KLHL7: variants seen among roughly 807,000 people sequenced by gnomAD.
The protein encoded by KLHL7 is kelch-like protein 7.
KLHL7 carries 44 observed loss-of-function variants against 67.4 expected under a neutral mutation model. The observed-to-expected ratio is 0.65, with a 90% CI of 0.51 to 0.84. The LOEUF (loss-of-function observed/expected upper bound fraction) is 0.84. KLHL7 is among the 40% of genes least tolerant of loss of function. KLHL7 has a pLI of 0.00. For synonymous variants in KLHL7, 252 were observed against 243.3 expected, an observed-to-expected ratio of 1.04 and a Z score of -0.33; for missense variants, 362 against 718.1, an observed-to-expected ratio of 0.50 and a Z score of 5.67.
At chr7:23,162,349 A>T (rs1217665084) in intron 7 of KLHL7, among the ~76,000 whole-genome samples, 3 of 152,222 alleles carry the variant, frequency 2.0e-5, no homozygotes, top group Non-Finnish European at 4.4e-5. Flanking sequence ...TGATGTTTTA[A>T]AATATCTCAG....
chr7:23,131,973 A>G (rs1433554756), intron 4 of KLHL7, among the ~76,000 whole-genome samples: 1 of 152,114 alleles, frequency 6.6e-6, no homozygotes, highest in Non-Finnish European at 1.5e-5. Context: ...GCTGTTGCAA[A>G]TGACTAGATC....
intron 7 of KLHL7, among the ~76,000 whole-genome samples, chr7:23,162,510 A>G (rs1784880016): frequency 1.3e-5 from 2 of 152,198 alleles, no homozygotes. Flanking sequence ...ATTTTGTTGT[A>G]CAGATAAACT....
At chr7:23,153,476 G>T (rs1480150405) in intron 7 of KLHL7, among the ~76,000 whole-genome samples, 1 of 152,186 alleles carries the variant, frequency 6.6e-6, no homozygotes. Context: ...TACATTGTTG[G>T]TTGAAGGCAT....
rs1318381403 is a variant in KLHL7, at chr7:23,175,247, T to C, written c.*949T>C. 4.4e-6 allele frequency: 2 copies of C among 453,940 alleles called. No individual in the cohort carries two copies. The highest frequency in any genetic ancestry group is 1.6e-5 in the South Asian group (1 of 64,450). 28.1% of individuals were successfully genotyped at this position (453,940 alleles called of 1,614,324 possible). A position where few individuals can be genotyped will look rare whatever the true frequency, so the allele number is the denominator to read the frequency against. On this transcript the variant is annotated 3_prime_UTR_variant, in exon 11 of 11. Transcript: ENST00000339077. ...AAAAGTTTTGTAATCATGAGTTAGA[T>C]ATATGTCATCTCCTATTCATTGCTT...
At chr7:23,161,381 A>G (rs529763486) in intron 7 of KLHL7, among the ~76,000 whole-genome samples, 1 of 152,158 alleles carries the variant, frequency 6.6e-6, no homozygotes, top group Non-Finnish European at 1.5e-5. Context: ...GATACACCAT[A>G]ATTTAATACC....
At chr7:23,125,714 A>G (rs1158321731) in intron 4 of KLHL7, 9 of 1,453,526 alleles carry the variant, frequency 6.2e-6, no homozygotes, top group Middle Eastern at 1.8e-4. Flanking sequence ...AGGGACTGCT[A>G]TAGCCATTTT....
intron 5 of KLHL7, among the ~76,000 whole-genome samples, chr7:23,143,128 T>A (rs997421981): frequency 2.0e-5 from 3 of 152,184 alleles, no homozygotes; most frequent in Admixed American, 6.5e-5. Flanking sequence ...CTTATTAATA[T>A]CACTCGAAAA....
In KLHL7 at chr7:23,138,461, TAAAA is replaced by T. The variant is rs60497553; in HGVS notation, c.443-2288_443-2285del. Among the ~76,000 whole-genome samples, 68 of 63,246 alleles carry T rather than the reference TAAAA, an allele frequency of 1.1e-3. 1 individual carries two copies. The East Asian group carries it at 0.028, about 26-fold the overall frequency. 41.5% of individuals were successfully genotyped at this position (63,246 alleles called of 152,430 possible). A position where few individuals can be genotyped will look rare whatever the true frequency, so the allele number is the denominator to read the frequency against. On this transcript the variant is annotated intron_variant, in intron 4 of 10. Transcript: ENST00000339077. ...TGGGCGACAGAGCAAGACTCCATCT[TAAAA>T]AAAAAAAAAAAAAAAAAAAGAAGGT...
rs189699654 is a variant in KLHL7 at position 23,118,307 on chromosome 7, A to T, written c.121-5470A>T. 5.2e-3 allele frequency among the ~76,000 whole-genome samples: 787 copies of T among 152,322 alleles called. 7 individuals are homozygous for T. Among genetic ancestry groups the T allele is most frequent in the African/African-American group, 0.018 (741 of 41,576 alleles). ...TGACGCGTTGAGTATCTGTGCATAC[A>T]TATTTGAGGACCCGTCACTACTAGT... is the stretch of plus-strand genomic sequence containing the variant. On this transcript the variant is annotated intron_variant, in intron 1 of 10. Transcript: ENST00000339077.
At chr7:23,141,913 G>A (rs983009844) in intron 5 of KLHL7, among the ~76,000 whole-genome samples, 1 of 146,892 alleles carries the variant, frequency 6.8e-6, no homozygotes, top group Non-Finnish European at 1.5e-5. Flanking sequence ...GTGAGCCACC[G>A]CACCCGGCCT....
intron 1 of KLHL7, chr7:23,118,071 C>G (rs1000796382): frequency 1.3e-5 from 18 of 1,363,798 alleles, no homozygotes; most frequent in African/African-American, 1.4e-5. Context: ...AAAAGCTAAT[C>G]CTCATACAGT....
At chr7:23,135,216 A>G (rs117338323) in intron 4 of KLHL7, among the ~76,000 whole-genome samples, 2,001 of 152,272 alleles carry the variant, frequency 0.013, 26 homozygotes, top group Non-Finnish European at 0.021. Context: ...CATACTGTAT[A>G]ATTTCCATGT....
At chr7:23,157,407 C>G (rs1583716792) in intron 7 of KLHL7, among the ~76,000 whole-genome samples, 2 of 152,276 alleles carry the variant, frequency 1.3e-5, no homozygotes, top group Admixed American at 1.3e-4. Flanking sequence ...CCTTAAGCTT[C>G]CTTAGTTGTC....
At position 23,174,622 on chromosome 7, in the gene KLHL7, C is replaced by T. The variant is rs148600187; in HGVS notation, c.*324C>T. 1.4e-4 allele frequency: 69 copies of T among 485,222 alleles called. No homozygotes were observed. The Middle Eastern group carries it at 5.0e-3, about 35-fold the overall frequency. The allele number at this position is 485,222 out of a possible 1,614,324, so 30.1% of individuals were successfully genotyped here. On this transcript the variant is annotated 3_prime_UTR_variant, in exon 11 of 11. Coordinates refer to ENST00000339077, the MANE Select transcript of KLHL7 (RefSeq NM_001031710.3). The stretch of plus-strand genomic sequence containing the variant: ...ATAGAAGATTGGCTCATCAGTGAAG[C>T]GCAGTATCTTAGCTCTAGATTCTAT...
rs749041391 is a variant in KLHL7 at position 23,125,135 on chromosome 7, T to C, written c.405T>C (p.Asp135=). The C allele has an allele frequency of 1.2e-5, 20 of 1,613,452 alleles. No individual in the cohort carries two copies. In the Admixed American group the frequency reaches 3.2e-4, roughly 26 times the overall value. The change falls in exon 4 of 11, where the codon GAT becomes GAC. Residue 135 remains aspartate, a synonymous_variant. Coordinates refer to ENST00000339077, the MANE Select transcript of KLHL7 (RefSeq NM_001031710.3). ...AACCTGTGAAGAAAATGTGTGTTGA[T>C]TTTTTGAAAGAACAAGTTGATGCTT... The part of the protein sequence containing the change: ...QIEPVKKMCV[D]FLKEQVDASN...
At chr7:23,165,453 G>A (rs1255838521) in intron 7 of KLHL7, among the ~76,000 whole-genome samples, 1 of 152,078 alleles carries the variant, frequency 6.6e-6, no homozygotes, top group African/African-American at 2.4e-5. Flanking sequence ...ATATATTTAA[G>A]TTTATTTTAG....
intron 1 of KLHL7, among the ~76,000 whole-genome samples, chr7:23,112,766 G>A (rs554584927): frequency 6.6e-6 from 1 of 152,320 alleles, no homozygotes; most frequent in African/African-American, 2.4e-5. Context: ...ATGGGAATCA[G>A]ATTAATGTAA....
chr7:23,163,919 C>T (rs954320476), intron 7 of KLHL7, among the ~76,000 whole-genome samples: 1 of 152,140 alleles, frequency 6.6e-6, no homozygotes, highest in African/African-American at 2.4e-5. Flanking sequence ...GCTCCCTGAC[C>T]CTGCCCACAC....
At chr7:23,109,731 C>T (rs1782787166) in intron 1 of KLHL7, among the ~76,000 whole-genome samples, 1 of 152,166 alleles carries the variant, frequency 6.6e-6, no homozygotes, top group South Asian at 2.1e-4. Context: ...GTGTTAAACC[C>T]TTGATATTAA....
Sources: allele counts gnomAD v4.1 joint callset (sites outside exome capture counted in the v4.1 genomes callset), GRCh38; gene constraint gnomAD v4.1.1; transcripts MANE v1.5; gene names NCBI Gene and HGNC (gene_info 2026-07-23, HGNC 2026-07-21).